Variants in STARD13 observed in about 807,000 individuals in gnomAD.
The protein encoded by STARD13 is stAR-related lipid transfer protein 13.
STARD13 carries 62 observed loss-of-function variants against 106.4 expected under a neutral mutation model. That is an observed-to-expected ratio of 0.58 (90% CI 0.48 to 0.72). The LOEUF (loss-of-function observed/expected upper bound fraction) is 0.72, where lower values mean the gene tolerates loss of function less well. Among genes scored for constraint, STARD13 ranks in the 30% least tolerant of loss-of-function variants. The pLI, the probability that STARD13 is intolerant of heterozygous loss-of-function variation, is 0.00. For synonymous variants in STARD13, 565 were observed against 553.0 expected (o/e 1.02, Z -0.31); for missense variants, 1,387 against 1,424.0 (o/e 0.97, Z 0.42).
chr13:33,340,859 T>C (rs2077952046), intron 1 of STARD13, among the ~76,000 whole-genome samples: 1 of 152,232 alleles, frequency 6.6e-6, no homozygotes, highest in Admixed American at 6.5e-5. Flanking sequence ...ATGAGTTAAG[T>C]GATTTGGGCA....
the STARD13 span, among the ~76,000 whole-genome samples, chr13:33,558,753 C>T: frequency 6.6e-6 from 1 of 151,042 alleles, no homozygotes; most frequent in Non-Finnish European, 1.5e-5. Flanking sequence ...GAAGTCACTC[C>T]CATATAATTC....
intron 1 of STARD13, among the ~76,000 whole-genome samples, chr13:33,251,229 A>G (rs760527822): frequency 6.6e-6 from 1 of 152,312 alleles, no homozygotes; most frequent in Admixed American, 6.5e-5. Flanking sequence ...TACAGGAGGT[A>G]GGACCCACTG....
chr13:33,434,387 A>C, the STARD13 span, among the ~76,000 whole-genome samples: 4 of 151,792 alleles, frequency 2.6e-5, no homozygotes, highest in African/African-American at 9.7e-5. Context: ...AGAAAGAAAA[A>C]GAAATCAAAC....
chr13:33,290,146 A>G (rs1371681346), upstream of STARD13, among the ~76,000 whole-genome samples: 1 of 152,192 alleles, frequency 6.6e-6, no homozygotes, highest in Non-Finnish European at 1.5e-5. Context: ...GTGCTTTTAC[A>G]GAAGCCAGGA....
the STARD13 span, among the ~76,000 whole-genome samples, chr13:33,576,563 A>G: frequency 6.6e-6 from 1 of 152,142 alleles, no homozygotes; most frequent in South Asian, 2.1e-4. Context: ...GCTGAGAACT[A>G]ATAAATTAAT....
the STARD13 span, among the ~76,000 whole-genome samples, chr13:33,559,117 G>A: frequency 6.6e-6 from 1 of 151,668 alleles, no homozygotes; most frequent in Admixed American, 6.6e-5. Flanking sequence ...AGCAAAGACT[G>A]TTCGGTTTCT....
At chr13:33,125,478 C>T (rs558574490) in intron 7 of STARD13, among the ~76,000 whole-genome samples, 13 of 152,118 alleles carry the variant, frequency 8.5e-5, no homozygotes, top group Admixed American at 4.6e-4. Context: ...CCAAAAGTCT[C>T]GGAGGCAGCA....
intron 2 of STARD13, among the ~76,000 whole-genome samples, chr13:33,166,720 G>A (rs1284163043): frequency 6.6e-6 from 1 of 152,116 alleles, no homozygotes; most frequent in African/African-American, 2.4e-5. Context: ...GAAAAGGCTG[G>A]GTGGTGGCTC....
intron 1 of STARD13, among the ~76,000 whole-genome samples, chr13:33,234,779 G>C (rs115916759): frequency 0.018 from 2,753 of 152,262 alleles, 84 homozygotes; most frequent in African/African-American, 0.064. Context: ...GGTTTAATTA[G>C]TTATGACTTT....
At chr13:33,668,464 G>C in the STARD13 span, among the ~76,000 whole-genome samples, 1 of 152,190 alleles carries the variant, frequency 6.6e-6, no homozygotes, top group Non-Finnish European at 1.5e-5. Flanking sequence ...GGTCAAACTG[G>C]ATTGCTAGGA....
At chr13:33,364,670 A>G in the STARD13 span, among the ~76,000 whole-genome samples, 1 of 152,182 alleles carries the variant, frequency 6.6e-6, no homozygotes, top group East Asian at 1.9e-4. Context: ...CGGGTGGATC[A>G]TGAGGTCAGG....
At chr13:33,250,751 G>A (rs9536885) in intron 1 of STARD13, among the ~76,000 whole-genome samples, 62,504 of 152,116 alleles carry the variant, frequency 0.41, 13,147 homozygotes, top group Admixed American at 0.47. Flanking sequence ...CTGTCAACCA[G>A]TACACTTGCT....
At chr13:33,622,917 T>TAA in the STARD13 span, among the ~76,000 whole-genome samples, 13,648 of 121,488 alleles carry the variant, frequency 0.11, 1,862 homozygotes, top group African/African-American at 0.34. Flanking sequence ...AAACTCTGTC[T>TAA]AAAAAAAAAA....
At chr13:33,289,230 C>A (rs1314931870), upstream of STARD13, among the ~76,000 whole-genome samples, 1 of 152,206 alleles carries the variant, frequency 6.6e-6, no homozygotes, top group Non-Finnish European at 1.5e-5. Flanking sequence ...ACCTACTTTT[C>A]TTCCCTCCTA....
chr13:33,323,603 A>T (rs1893636917), intron 1 of STARD13, among the ~76,000 whole-genome samples: 1 of 152,222 alleles, frequency 6.6e-6, no homozygotes, highest in South Asian at 2.1e-4. Context: ...CATGGTACTT[A>T]GCTTCTCATT....
the STARD13 span, among the ~76,000 whole-genome samples, chr13:33,673,778 C>T: frequency 6.6e-6 from 1 of 152,094 alleles, no homozygotes; most frequent in East Asian, 1.9e-4. Context: ...GTCCTGTGAT[C>T]TGCCTGCCTT....
intron 1 of STARD13, among the ~76,000 whole-genome samples, chr13:33,318,450 C>T (rs569295187): frequency 9.9e-5 from 15 of 152,002 alleles, no homozygotes; most frequent in Non-Finnish European, 1.9e-4. Flanking sequence ...AATCAAAGCC[C>T]TAAGTGTAAG....
chr13:33,516,077 A>C, the STARD13 span, among the ~76,000 whole-genome samples: 1 of 150,844 alleles, frequency 6.6e-6, no homozygotes, highest in Non-Finnish European at 1.5e-5. Flanking sequence ...ACATATATAT[A>C]CACACACACA....
upstream of STARD13, among the ~76,000 whole-genome samples, chr13:33,286,209 C>T (rs1020398207): frequency 2.0e-5 from 3 of 152,094 alleles, no homozygotes; most frequent in African/African-American, 7.2e-5. Context: ...AACAGCTGAG[C>T]GTAAGCCACC....
Sources: allele counts gnomAD v4.1 joint callset (sites outside exome capture counted in the v4.1 genomes callset), GRCh38; gene constraint gnomAD v4.1.1; transcripts MANE v1.5; gene names NCBI Gene and HGNC (gene_info 2026-07-23, HGNC 2026-07-21).